Variants in CDH12 observed in about 807,000 individuals in gnomAD.
CDH12 encodes the protein cadherin-12.
A neutral mutation model predicts 74.1 loss-of-function variants in CDH12; 41 were observed. The observed-to-expected ratio is 0.55, with a 90% confidence interval of 0.43 to 0.72. The LOEUF is 0.72. Among genes scored for constraint, CDH12 ranks in the 30% least tolerant of loss-of-function variants. The pLI, the probability that CDH12 is intolerant of heterozygous loss-of-function variation, is 0.00. For synonymous variants in CDH12, 399 were observed against 355.0 expected (o/e 1.12, Z -1.39); for missense variants, 945 against 977.2 (o/e 0.97, Z 0.44).
Position 21,783,465 on chromosome 5 carries a change from T to C in CDH12, c.1286A>G (p.Asp429Gly). Reference sequence around the variant, plus strand: ...ATTTCCATCTATTGTAAAGTAGCTGTCCCCATCACTCTTCCAATCTATGAA... The same window carrying C: ...ATTTCCATCTATTGTAAAGTAGCTGCCCCCATCACTCTTCCAATCTATGAA... The part of the protein sequence containing the change: ...RYFIDWKSDG[D>G]SYFTIDGNEG... The change falls in exon 11 of 15, where the codon GAC becomes GGC. Residue 429 changes from aspartate to glycine, a missense_variant. Asp to Gly is a moderately conservative substitution (Grantham distance 94, BLOSUM62 -1). Transcript: ENST00000382254. 1.2e-6 allele frequency: 2 copies of C among 1,606,220 alleles called. No homozygotes were observed. The highest frequency in any genetic ancestry group is 1.7e-6 in the Non-Finnish European group (2 of 1,172,900).
intron 2 of CDH12, among the ~76,000 whole-genome samples, chr5:22,460,738 T>TTTTTTTTTTTTTG (rs1745472110): frequency 6.8e-6 from 1 of 147,964 alleles, no homozygotes; most frequent in African/African-American, 2.5e-5. Flanking sequence ...TTTTTTTTTT[T>TTTTTTTTTTTTTG]AGACGATGTC....
At chr5:22,378,770 A>G (rs1339565330) in intron 3 of CDH12, among the ~76,000 whole-genome samples, 2 of 152,124 alleles carry the variant, frequency 1.3e-5, no homozygotes, top group Non-Finnish European at 2.9e-5. Flanking sequence ...GAATTATACA[A>G]TATTTGATAC....
chr5:22,323,207 G>A (rs1000287302), intron 3 of CDH12, among the ~76,000 whole-genome samples: 1 of 152,154 alleles, frequency 6.6e-6, no homozygotes, highest in African/African-American at 2.4e-5. Flanking sequence ...AACCGGGACA[G>A]GTCTATACTC....
At chr5:21,860,419 G>A (rs751887931) in intron 6 of CDH12, among the ~76,000 whole-genome samples, 1 of 150,480 alleles carries the variant, frequency 6.6e-6, no homozygotes, top group African/African-American at 2.5e-5. Flanking sequence ...TTGTGTATGG[G>A]TTCAAGTTGA....
intron 5 of CDH12, among the ~76,000 whole-genome samples, chr5:21,996,624 G>A (rs1480280734): frequency 6.6e-6 from 1 of 152,142 alleles, no homozygotes; most frequent in African/African-American, 2.4e-5. Context: ...ACCTGCTGCT[G>A]TTTGGGCTAG....
At chr5:22,315,106 C>T (rs1219441349) in intron 3 of CDH12, among the ~76,000 whole-genome samples, 2 of 98,100 alleles carry the variant, frequency 2.0e-5, no homozygotes, top group African/African-American at 7.9e-5. Flanking sequence ...CGCCTGCCAC[C>T]GTGCCTGCCT....
intron 5 of CDH12, among the ~76,000 whole-genome samples, chr5:22,044,507 A>C (rs757561754): frequency 3.9e-5 from 6 of 152,166 alleles, no homozygotes; most frequent in Non-Finnish European, 5.9e-5. Flanking sequence ...TGTCATGAGA[A>C]TAGCATGGAG....
intron 3 of CDH12, among the ~76,000 whole-genome samples, chr5:22,297,997 C>T (rs1478221023): frequency 6.6e-6 from 1 of 151,638 alleles, no homozygotes; most frequent in Non-Finnish European, 1.5e-5. Flanking sequence ...TTTATAAATG[C>T]CAGCTATTGC....
intron 5 of CDH12, among the ~76,000 whole-genome samples, chr5:22,038,417 G>A (rs1739332188): frequency 6.6e-6 from 1 of 152,138 alleles, no homozygotes; most frequent in African/African-American, 2.4e-5. Context: ...TGTTGCTGCT[G>A]TATCTGCCCC....
At chr5:22,534,247 G>T (rs1030956513) in intron 1 of CDH12, among the ~76,000 whole-genome samples, 2 of 151,532 alleles carry the variant, frequency 1.3e-5, no homozygotes, top group Non-Finnish European at 2.9e-5. Context: ...GTGGTGTTTG[G>T]TTACATGAGT....
chr5:21,780,438 C>T (rs1264549010), intron 11 of CDH12, among the ~76,000 whole-genome samples: 1 of 152,084 alleles, frequency 6.6e-6, no homozygotes, highest in Non-Finnish European at 1.5e-5. Flanking sequence ...CCCAAGGAGC[C>T]ATTGGAAAGA....
intron 1 of CDH12, among the ~76,000 whole-genome samples, chr5:22,590,606 T>C (rs929532323): frequency 5.9e-5 from 9 of 152,316 alleles, no homozygotes; most frequent in African/African-American, 2.2e-4. Flanking sequence ...TAAAATTCAT[T>C]CCAACTAGTA....
chr5:22,551,902 T>C (rs988585670), intron 1 of CDH12, among the ~76,000 whole-genome samples: 3 of 152,208 alleles, frequency 2.0e-5, no homozygotes, highest in Non-Finnish European at 4.4e-5. Flanking sequence ...TTTTATTTTA[T>C]TTCCTTTTAT....
At chr5:22,026,888 T>A (rs1580132398) in intron 5 of CDH12, among the ~76,000 whole-genome samples, 1 of 152,174 alleles carries the variant, frequency 6.6e-6, no homozygotes, top group Admixed American at 6.6e-5. Flanking sequence ...CATCACTATT[T>A]AGGGCAGCTG....
chr5:22,164,816 A>T lies in CDH12; in HGVS notation c.-187+47682T>A, dbSNP rs376113735. ...CCCGTGTTTAAAGGTGGATGTGGTCACCTTCCCAGCTAGGCTTAGGGATTC... is the reference window on the plus strand; with the variant it reads ...CCCGTGTTTAAAGGTGGATGTGGTCTCCTTCCCAGCTAGGCTTAGGGATTC... On this transcript the variant is annotated intron_variant, in intron 4 of 14. Coordinates refer to ENST00000382254, the MANE Select transcript of CDH12 (RefSeq NM_004061.5). 2.8e-5 allele frequency among the ~76,000 whole-genome samples: 4 copies of T among 143,472 alleles called. No homozygotes were observed. The East Asian group carries it at 8.2e-4, about 29-fold the overall frequency. The allele number at this position is 143,472 out of a possible 152,430, so 94.1% of individuals were successfully genotyped here.
intron 3 of CDH12, among the ~76,000 whole-genome samples, chr5:22,385,532 T>C (rs150925908): frequency 4.4e-4 from 67 of 152,342 alleles, no homozygotes; most frequent in African/African-American, 1.6e-3. Context: ...TGACAATCCA[T>C]ACACGTTTTT....
At chr5:22,808,137 T>G (rs868815169) in intron 1 of CDH12, among the ~76,000 whole-genome samples, 33 of 152,196 alleles carry the variant, frequency 2.2e-4, no homozygotes, top group Middle Eastern at 3.2e-3. Flanking sequence ...CATAAAAGAC[T>G]ACATACAATT....
At chr5:22,582,608 T>C (rs529819491) in intron 1 of CDH12, among the ~76,000 whole-genome samples, 10 of 152,312 alleles carry the variant, frequency 6.6e-5, no homozygotes, top group Admixed American at 3.9e-4. Flanking sequence ...ATAATCAATT[T>C]CTAAAATGTA....
At chr5:22,664,830 C>T (rs1036073172) in intron 1 of CDH12, among the ~76,000 whole-genome samples, 2 of 152,136 alleles carry the variant, frequency 1.3e-5, no homozygotes, top group African/African-American at 2.4e-5. Flanking sequence ...ACACATACTA[C>T]TATGAATTCA....
Sources: gnomAD v4.1 joint callset for allele counts (sites outside exome capture counted in the v4.1 genomes callset) on GRCh38, gnomAD v4.1.1 for gene constraint, MANE v1.5 for transcripts, NCBI Gene and HGNC (gene_info 2026-07-23, HGNC 2026-07-21) for gene names.